Variants in ADRA1B observed in about 807,000 individuals in gnomAD.
ADRA1B encodes alpha-1B adrenergic receptor.
In ADRA1B, 17 loss-of-function variants were observed where a neutral mutation model predicts 17.9. The ratio of observed to expected loss-of-function variants is 0.95; its 90% CI spans 0.65 to 1.42. The LOEUF (loss-of-function observed/expected upper bound fraction) is 1.42. Ranked by LOEUF, ADRA1B falls within the 40% of genes most tolerant of loss-of-function variation. The probability of loss-of-function intolerance (pLI) is 0.00; values close to 1 mark genes in which losing one functional copy is unlikely to be tolerated. For synonymous variants in ADRA1B, 366 were observed against 327.6 expected, an observed-to-expected ratio of 1.12 and a Z score of -1.27; for missense variants, 681 against 722.1, an observed-to-expected ratio of 0.94 and a Z score of 0.65.
chr5:159,968,165 TA>T (rs928406862), intron 1 of ADRA1B, among the ~76,000 whole-genome samples: 33 of 152,228 alleles, frequency 2.2e-4, no homozygotes, highest in African/African-American at 7.5e-4. Context: ...TATAGCAAGT[TA>T]AATAACTATG....
intron 1 of ADRA1B, among the ~76,000 whole-genome samples, chr5:159,949,275 A>C (rs550513999): frequency 6.6e-6 from 1 of 152,360 alleles, no homozygotes; most frequent in African/African-American, 2.4e-5. Context: ...GGAAAAATGA[A>C]GCCCAATCTT....
intron 1 of ADRA1B, among the ~76,000 whole-genome samples, chr5:159,967,842 G>A (rs1247760934): frequency 1.3e-5 from 2 of 152,200 alleles, no homozygotes; most frequent in South Asian, 2.1e-4. Context: ...TCAAGGCCAT[G>A]GTCCTTGGAG....
intron 1 of ADRA1B, among the ~76,000 whole-genome samples, chr5:159,893,137 C>T (rs1321402732): frequency 6.6e-6 from 1 of 152,152 alleles, no homozygotes; most frequent in Non-Finnish European, 1.5e-5. Flanking sequence ...GACTATCTGT[C>T]ATGGTTTCCT....
chr5:159,963,702 C>G (rs1755721410), intron 1 of ADRA1B, among the ~76,000 whole-genome samples: 1 of 152,212 alleles, frequency 6.6e-6, no homozygotes. Context: ...CAGACATGCC[C>G]TGAGGTTTTG....
At chr5:159,947,347 A>G (rs979685698) in intron 1 of ADRA1B, among the ~76,000 whole-genome samples, 27 of 152,180 alleles carry the variant, frequency 1.8e-4, no homozygotes, top group East Asian at 7.7e-4. Context: ...ATCTTAAAAA[A>G]AAAAGAAAAG....
intron 1 of ADRA1B, among the ~76,000 whole-genome samples, chr5:159,905,610 T>C (rs1315401866): frequency 3.9e-5 from 6 of 152,212 alleles, no homozygotes; most frequent in Non-Finnish European, 5.9e-5. Context: ...CCTGCTCTCA[T>C]TGAGCCTGAA....
chr5:159,922,743 C>G (rs1581036245), intron 1 of ADRA1B, among the ~76,000 whole-genome samples: 1 of 152,332 alleles, frequency 6.6e-6, no homozygotes, highest in Middle Eastern at 3.4e-3. Context: ...TTTAATCATT[C>G]ATCCATTCAC....
intron 1 of ADRA1B, among the ~76,000 whole-genome samples, chr5:159,919,274 G>A (rs1314859045): frequency 6.6e-6 from 1 of 151,984 alleles, no homozygotes; most frequent in Non-Finnish European, 1.5e-5. Context: ...TACCATTGCA[G>A]GGAAGCTTGC....
At chr5:159,928,313 A>G (rs967961184) in intron 1 of ADRA1B, among the ~76,000 whole-genome samples, 16 of 152,106 alleles carry the variant, frequency 1.1e-4, no homozygotes, top group African/African-American at 3.9e-4. Context: ...TCAGCTCAGG[A>G]TACAGTAGAA....
At chr5:159,948,620 A>G (rs1393751850) in intron 1 of ADRA1B, 1 of 278,142 alleles carries the variant, frequency 3.6e-6, no homozygotes, top group Non-Finnish European at 5.4e-6. Context: ...TTATTCAGCC[A>G]TTTTTCTATG....
At chr5:159,875,073 G>A (rs1162053524) in intron 1 of ADRA1B, among the ~76,000 whole-genome samples, 1 of 152,102 alleles carries the variant, frequency 6.6e-6, no homozygotes, top group Admixed American at 6.5e-5. Context: ...TGGTCGTTTG[G>A]TGGTATAGGT....
chr5:159,978,421 AC>A, the ADRA1B span, among the ~76,000 whole-genome samples: 1 of 152,016 alleles, frequency 6.6e-6, no homozygotes, highest in Non-Finnish European at 1.5e-5. Context: ...GTCATCTGGG[AC>A]TCATTGCCTG....
intron 1 of ADRA1B, among the ~76,000 whole-genome samples, chr5:159,966,719 A>G (rs570095192): frequency 6.6e-6 from 1 of 152,320 alleles, no homozygotes; most frequent in East Asian, 1.9e-4. Flanking sequence ...TTCAAAAGGC[A>G]ATTTGGCTGT....
At chr5:159,967,466 A>G (rs985465565) in intron 1 of ADRA1B, among the ~76,000 whole-genome samples, 2 of 152,190 alleles carry the variant, frequency 1.3e-5, no homozygotes, top group Non-Finnish European at 2.9e-5. Context: ...ACTATTTATT[A>G]TTTTCAAGAT....
chr5:159,927,247 A>T (rs541739061), intron 1 of ADRA1B, among the ~76,000 whole-genome samples: 213 of 152,216 alleles, frequency 1.4e-3, no homozygotes, highest in African/African-American at 5.0e-3. Flanking sequence ...TCTGAGAGGG[A>T]TATGGTCAGA....
intron 1 of ADRA1B, chr5:159,950,902 G>T (rs533555054): frequency 3.5e-6 from 2 of 565,844 alleles, no homozygotes; most frequent in Non-Finnish European, 6.7e-6. Flanking sequence ...GGAGAGCCCC[G>T]CAGCCGTCGC....
chr5:159,928,133 G>A (rs1754711425), intron 1 of ADRA1B, among the ~76,000 whole-genome samples: 1 of 152,172 alleles, frequency 6.6e-6, no homozygotes, highest in African/African-American at 2.4e-5. Context: ...AATGATGGGT[G>A]TCTTCAGAAT....
intron 1 of ADRA1B, among the ~76,000 whole-genome samples, chr5:159,878,352 C>G (rs902540186): frequency 2.0e-5 from 3 of 152,152 alleles, no homozygotes; most frequent in Admixed American, 6.5e-5. Context: ...GAACAAAGCT[C>G]CAGGAACACA....
downstream of ADRA1B, among the ~76,000 whole-genome samples, chr5:159,973,191 C>T (rs1206812744): frequency 6.6e-6 from 1 of 152,234 alleles, no homozygotes; most frequent in Non-Finnish European, 1.5e-5. Flanking sequence ...GTGCTGGCTC[C>T]CCTAGGTCCC....
Sources: allele counts gnomAD v4.1 joint callset (sites outside exome capture counted in the v4.1 genomes callset), GRCh38; gene constraint gnomAD v4.1.1; transcripts MANE v1.5; gene names NCBI Gene and HGNC (gene_info 2026-07-23, HGNC 2026-07-21).